Variants in HERC2 observed in about 807,000 individuals in gnomAD.
HERC2 encodes the protein HECT and RLD domain containing E3 ubiquitin protein ligase 2.
Under a neutral mutation model 537.7 loss-of-function variants are expected in HERC2, and 102 were observed. The observed-to-expected ratio is 0.19, with a 90% CI of 0.16 to 0.22. The LOEUF is 0.22. Ranked by LOEUF, HERC2 falls within the 10% of genes least tolerant of loss-of-function variation. The pLI, the probability that HERC2 is intolerant of heterozygous loss-of-function variation, is 1.00. For missense variants in HERC2, 4,236 were observed against 6,198.2 expected, an observed-to-expected ratio of 0.68 and a Z score of 10.63; for synonymous variants, 2,224 against 2,466.2, an observed-to-expected ratio of 0.90 and a Z score of 2.91.
At chr15:28,141,151 T>C (rs147913506) in intron 78 of HERC2, among the ~76,000 whole-genome samples, 2 of 151,622 alleles carry the variant, frequency 1.3e-5, no homozygotes, top group African/African-American at 4.8e-5. Flanking sequence ...GGCAGGAGAA[T>C]CACTTGAACT....
chr15:28,235,298 G>A (rs1000309577), intron 26 of HERC2, among the ~76,000 whole-genome samples: 23 of 152,088 alleles, frequency 1.5e-4, no homozygotes, highest in African/African-American at 5.6e-4. Context: ...ATAAGCCTCT[G>A]ATCCTCCTGT....
chr15:28,313,773 G>A (rs574741750), intron 2 of HERC2, among the ~76,000 whole-genome samples: 273 of 152,230 alleles, frequency 1.8e-3, no homozygotes, highest in African/African-American at 6.1e-3. Flanking sequence ...TAAGTACGTC[G>A]ATTTGAAGAC....
intron 4 of HERC2, among the ~76,000 whole-genome samples, chr15:28,284,386 C>T (rs982188265): frequency 6.6e-6 from 1 of 151,646 alleles, no homozygotes; most frequent in Non-Finnish European, 1.5e-5. Context: ...CAGTGTTAAG[C>T]CTCAGTTTAC....
In HERC2 at chr15:28,212,465, G is replaced by C. The variant is rs753922280; in HGVS notation, c.6905C>G (p.Ser2302Trp). 21 of 1,610,176 alleles carry C rather than the reference G, an allele frequency of 1.3e-5. No homozygotes were observed. Among genetic ancestry groups the C allele is most frequent in the Non-Finnish European group, 1.6e-5 (19 of 1,178,610 alleles). Residue 2302 changes from serine to tryptophan, a missense_variant, in exon 43 of 93, where the codon TCG (serine) becomes TGG (tryptophan). Around this residue, in one of 27 missense-constraint regions of HERC2, gnomAD observed 67 missense variants for 140.1 expected, o/e 0.48. Coordinates refer to ENST00000261609, the MANE Select transcript of HERC2 (RefSeq NM_004667.6). ...SKLEKHKIKK[S>W]TKQAFAGQVD... ...CTGACCTGCAAAGGCCTGTTTAGTC[G>C]ATTTCTTTATTTTGTGCTTTTCTAA...
Position 28,114,615 on chromosome 15 carries a change from T to C in HERC2, c.13910A>G (p.Tyr4637Cys), listed in dbSNP as rs559010562. ...ACAGAGACGGATGACCACCAACCTA[T>C]AGTTTATCGCCAGCCGCACGTACTC... ...RAEYVRLAIN[Y>C]RLHEFDEQVA... The change falls in exon 90 of 93, where the codon TAT (tyrosine) becomes TGT (cysteine). Residue 4637 changes from tyrosine (Y) to cysteine (C), a missense_variant. Tyr to Cys is a radical substitution (Grantham distance 194). This residue lies in a region of HERC2 where 313 missense variants were observed against 462.6 expected (regional missense o/e 0.68). Coordinates refer to ENST00000261609, the MANE Select transcript of HERC2 (RefSeq NM_004667.6). 3 of 1,613,048 alleles carry C rather than the reference T, an allele frequency of 1.9e-6. No homozygotes were observed. Among genetic ancestry groups the C allele is most frequent in the South Asian group, 1.1e-5 (1 of 91,046 alleles).
chr15:28,130,627 G>GA, intron 81 of HERC2, 33 bp from the exon 82 acceptor site: 1 of 1,446,272 alleles, frequency 6.9e-7, no homozygotes, highest in Non-Finnish European at 9.7e-7. Flanking sequence ...TAGACAGACA[G>GA]CAACAAGGCT....
At chr15:28,311,076 CAAAAAAAAAAAAAAAAA>C (rs71132854) in intron 2 of HERC2, among the ~76,000 whole-genome samples, 1 of 29,294 alleles carries the variant, frequency 3.4e-5, no homozygotes, top group Non-Finnish European at 5.8e-5. Flanking sequence ...GACTGCATCT[CAAAAAAAAAAAAAAAAA>C]AAAAAAAAAA....
At chr15:28,174,320 G>C in intron 65 of HERC2, 75 bp downstream of exon 65, 1 of 1,056,778 alleles carries the variant, frequency 9.5e-7, no homozygotes, top group Non-Finnish European at 1.4e-6. Context: ...TAATTGTGTT[G>C]GCACAATTAA....
chr15:28,217,606 A>C (rs1203568759), intron 38 of HERC2, among the ~76,000 whole-genome samples: 3 of 152,182 alleles, frequency 2.0e-5, no homozygotes, highest in African/African-American at 7.2e-5. Context: ...CACTTTATGG[A>C]TTAAACTGTG....
chr15:28,117,215 G>A, intron 86 of HERC2, 61 bp from the exon 87 acceptor site: 1 of 1,536,404 alleles, frequency 6.5e-7, no homozygotes, highest in Non-Finnish European at 9.0e-7. Context: ...ACACAGTCGG[G>A]GATATGCGGC....
At chr15:28,153,705 T>C (rs1892695108) in intron 69 of HERC2, among the ~76,000 whole-genome samples, 1 of 152,156 alleles carries the variant, frequency 6.6e-6, no homozygotes, top group Admixed American at 6.5e-5. Context: ...ACACAACACT[T>C]AATATGTGCC....
chr15:28,236,869 T>G (rs1330088812), intron 26 of HERC2, 94 bp downstream of exon 26: 1 of 964,594 alleles, frequency 1.0e-6, no homozygotes, highest in Admixed American at 1.8e-5. Context: ...ATTACAGGCA[T>G]GAACCACTGT....
At chr15:28,195,232 T>C (rs1317327820) in intron 52 of HERC2, among the ~76,000 whole-genome samples, 1 of 152,056 alleles carries the variant, frequency 6.6e-6, no homozygotes. Context: ...AAACTAAAAA[T>C]GTATATAACA....
At position 28,113,110 on chromosome 15, in the gene HERC2, C is replaced by T. The variant is rs1350346451; in HGVS notation, c.14193G>A (p.Arg4731=). ...CTCGGCCCCGGAAGTCGGCGATGGTCCTGGGCAGCCTCGTCCGGCCCCAGA... is the reference window on the plus strand; with the variant it reads ...CTCGGCCCCGGAAGTCGGCGATGGTTCTGGGCAGCCTCGTCCGGCCCCAGA... ...RFVWGRTRLP[R]TIADFRGRDF... Residue 4731 remains arginine (R), a synonymous_variant, in exon 92 of 93, where the codon AGG becomes AGA. Coordinates refer to ENST00000261609, the MANE Select transcript of HERC2 (RefSeq NM_004667.6). This position sits in a 1 kb window ranked among gnomAD's most constrained non-coding sequence, Gnocchi z 7.0. 21 of 1,613,650 alleles carry T rather than the reference C, an allele frequency of 1.3e-5. No individual in the cohort carries two copies. The Middle Eastern group carries it at 8.2e-4, about 63-fold the overall frequency.
chr15:28,249,656 T>TC (rs1304404259), intron 20 of HERC2, among the ~76,000 whole-genome samples: 1 of 152,016 alleles, frequency 6.6e-6, no homozygotes, highest in Non-Finnish European at 1.5e-5. Context: ...GGAAAGTAAC[T>TC]CTTTTTTTTG....
rs765965426 is a variant in HERC2 at position 28,132,694 on chromosome 15, GC to G, written c.12366del (p.Leu4123TrpfsTer10). 1.3e-6 allele frequency: 2 copies of G among 1,587,696 alleles called. No individual in the cohort carries two copies. The highest frequency in any genetic ancestry group is 1.8e-5 in the Admixed American group (1 of 56,356). ...LYTWGKGRYG[R>X]LGHSDSEDQL... ...TGGTCCTCACTGTCGCTGTGCCCCAGCCGGCCGTAGCGGCCTTTGCCCCATG... is the reference window on the plus strand; with the variant it reads ...TGGTCCTCACTGTCGCTGTGCCCCAGCGGCCGTAGCGGCCTTTGCCCCATG... On this transcript the variant is annotated frameshift_variant, in exon 80 of 93. Transcript: ENST00000261609. LOFTEE classifies it high-confidence loss of function.
intron 85 of HERC2, 120 bp from the exon 86 acceptor site, chr15:28,121,549 G>T: frequency 2.5e-6 from 2 of 791,810 alleles, no homozygotes; most frequent in Non-Finnish European, 4.3e-6. Flanking sequence ...ACAGAAAACT[G>T]CCAGTTCCCT....
chr15:28,125,440 G>A (rs912612677), intron 83 of HERC2, among the ~76,000 whole-genome samples: 5 of 152,152 alleles, frequency 3.3e-5, no homozygotes, highest in Non-Finnish European at 7.4e-5. Flanking sequence ...GCCCCTGTTG[G>A]CCACCAGGCC....
At chr15:28,170,893 G>T (rs1015443442) in intron 65 of HERC2, among the ~76,000 whole-genome samples, 1 of 151,416 alleles carries the variant, frequency 6.6e-6, no homozygotes, top group Non-Finnish European at 1.5e-5. Context: ...ATGAAAAGAT[G>T]GTTAACATAA....
Sources: gnomAD v4.1 joint callset for allele counts (sites outside exome capture counted in the v4.1 genomes callset) on GRCh38, gnomAD v4.1.1 for gene constraint, gnomAD v4.1.1 regional missense constraint, Gnocchi (gnomAD v3.1) non-coding constraint, MANE v1.5 for transcripts, NCBI Gene and HGNC (gene_info 2026-07-23, HGNC 2026-07-21) for gene names.